Variants in MYO1E observed in about 807,000 individuals in gnomAD.
MYO1E encodes the protein myosin IE.
In MYO1E, 68 loss-of-function variants were observed where a neutral mutation model predicts 151.1. That is an observed-to-expected ratio of 0.45 (90% CI 0.37 to 0.55). The LOEUF is 0.55. MYO1E is among the 20% of genes least tolerant of loss of function. The pLI is 0.00. For synonymous variants in MYO1E, 601 were observed against 501.7 expected, an observed-to-expected ratio of 1.20 and a Z score of -2.64; for missense variants, 1,363 against 1,389.3, an observed-to-expected ratio of 0.98 and a Z score of 0.30.
chr15:59,152,541 G>A (rs966731682), intron 26 of MYO1E, among the ~76,000 whole-genome samples: 2 of 152,166 alleles, frequency 1.3e-5, no homozygotes, highest in Non-Finnish European at 2.9e-5. Context: ...ATGAAGTGAC[G>A]GGGGTCCTTA....
chr15:59,157,746 T>C (rs1279458597), intron 25 of MYO1E, among the ~76,000 whole-genome samples: 1 of 152,256 alleles, frequency 6.6e-6, no homozygotes, highest in Non-Finnish European at 1.5e-5. Flanking sequence ...TCTGTAACAC[T>C]GTGAAGACAG....
intron 4 of MYO1E, among the ~76,000 whole-genome samples, chr15:59,239,430 AAG>A (rs1212795220): frequency 6.6e-6 from 1 of 151,112 alleles, no homozygotes; most frequent in Admixed American, 6.6e-5. Context: ...CAAGCTGGGA[AAG>A]AGAGAGAGAG....
intron 26 of MYO1E, among the ~76,000 whole-genome samples, chr15:59,141,862 C>G (rs1192855617): frequency 7.4e-5 from 11 of 149,338 alleles, no homozygotes; most frequent in Admixed American, 7.4e-4. Context: ...AATCCCAGCA[C>G]TTGGGGAGGC....
chr15:59,345,967 A>G (rs2080791856), intron 1 of MYO1E, among the ~76,000 whole-genome samples: 1 of 152,240 alleles, frequency 6.6e-6, no homozygotes, highest in Non-Finnish European at 1.5e-5. Context: ...TGCAGCTAAA[A>G]CACGTGGAGG....
At chr15:59,156,175 T>A (rs1042975339) in intron 25 of MYO1E, among the ~76,000 whole-genome samples, 7 of 152,300 alleles carry the variant, frequency 4.6e-5, no homozygotes, top group East Asian at 1.9e-4. Flanking sequence ...TTTTATTTTT[T>A]AATTTATTTT....
chr15:59,185,452 G>A (rs2079690080), intron 18 of MYO1E, among the ~76,000 whole-genome samples: 1 of 152,184 alleles, frequency 6.6e-6, no homozygotes, highest in African/African-American at 2.4e-5. Flanking sequence ...ATTTTTAGTA[G>A]AGACAGGTTT....
chr15:59,327,061 C>T (rs12902525), intron 1 of MYO1E, among the ~76,000 whole-genome samples: 109,560 of 152,066 alleles, frequency 0.72, 43,329 homozygotes, highest in Non-Finnish European at 0.88. Context: ...CGGGTGGGGT[C>T]GCAGTAGGGA....
At position 59,319,550 on chromosome 15, in the gene MYO1E, CTTTTTTTTTTTTTTT is replaced by C. The variant is rs59491381; in HGVS notation, c.4-47116_4-47102del. Among the ~76,000 whole-genome samples, 46 of 63,734 alleles carry C rather than the reference CTTTTTTTTTTTTTTT, an allele frequency of 7.2e-4. 1 individual carries two copies. Among genetic ancestry groups the C allele is most frequent in the South Asian group, 2.4e-3 (4 of 1,696 alleles). The allele number at this position is 63,734 out of a possible 152,430, so 41.8% of individuals were successfully genotyped here. A position where few individuals can be genotyped will look rare whatever the true frequency, so the allele number is the denominator to read the frequency against. On this transcript the variant is annotated intron_variant, in intron 1 of 27. Coordinates refer to ENST00000288235, the MANE Select transcript of MYO1E (RefSeq NM_004998.4). ...AAGATAGGAAAAGAAGTCAAACTAC[CTTTTTTTTTTTTTTT>C]TTTTTTTTTTTTTTTTGGCTGATGT...
At chr15:59,216,666 G>GTATA (rs368761394) in intron 10 of MYO1E, among the ~76,000 whole-genome samples, 1,812 of 30,450 alleles carry the variant, frequency 0.06, 107 homozygotes, top group Middle Eastern at 0.1. Context: ...GTGTGTATGT[G>GTATA]TATATATATA....
chr15:59,277,563 A>AAC (rs1567000047), intron 1 of MYO1E, among the ~76,000 whole-genome samples: 1 of 130,116 alleles, frequency 7.7e-6, no homozygotes, highest in South Asian at 2.4e-4. Context: ...AAAAAAAAAA[A>AAC]AAAAAAAAAA....
At chr15:59,175,339 AAC>A (rs2140318081) in intron 19 of MYO1E, among the ~76,000 whole-genome samples, 1 of 152,332 alleles carries the variant, frequency 6.6e-6, no homozygotes, top group African/African-American at 2.4e-5. Context: ...AAAGATGATG[AAC>A]AGTCATTGCA....
chr15:59,252,219 G>T (rs548201579), intron 4 of MYO1E, among the ~76,000 whole-genome samples: 2 of 152,238 alleles, frequency 1.3e-5, no homozygotes, highest in African/African-American at 4.8e-5. Context: ...TATAGGCACT[G>T]AAAACACAGG....
intron 1 of MYO1E, among the ~76,000 whole-genome samples, chr15:59,328,860 G>T (rs1414435694): frequency 6.6e-6 from 1 of 152,290 alleles, no homozygotes; most frequent in Non-Finnish European, 1.5e-5. Flanking sequence ...TAAGGCAGGG[G>T]TGTGTTACCC....
intron 9 of MYO1E, among the ~76,000 whole-genome samples, chr15:59,220,357 G>A (rs2079946678): frequency 6.6e-6 from 1 of 152,230 alleles, no homozygotes; most frequent in Non-Finnish European, 1.5e-5. Context: ...GCTGAGACAG[G>A]AGAACTGCTT....
At chr15:59,353,493 A>G (rs1400692224) in intron 1 of MYO1E, among the ~76,000 whole-genome samples, 1 of 152,004 alleles carries the variant, frequency 6.6e-6, no homozygotes, top group East Asian at 1.9e-4. Context: ...GCGGTGGCTC[A>G]CACCTGTAAT....
At chr15:59,357,748 C>T (rs2080863214) in intron 1 of MYO1E, among the ~76,000 whole-genome samples, 1 of 152,018 alleles carries the variant, frequency 6.6e-6, no homozygotes, top group African/African-American at 2.4e-5. Flanking sequence ...CCATACCTTG[C>T]CAAGGAGGTA....
intron 26 of MYO1E, among the ~76,000 whole-genome samples, chr15:59,153,174 T>A (rs933023629): frequency 6.6e-6 from 1 of 152,186 alleles, no homozygotes; most frequent in South Asian, 2.1e-4. Context: ...TCAACAAATA[T>A]CATATAGAAT....
In MYO1E at chr15:59,138,390, G is replaced by A. The variant is rs760838714; in HGVS notation, c.3081-23C>T. On this transcript the variant is annotated intron_variant, in intron 26 of 27. Transcript: ENST00000288235. ...ACCCTGTGGAGAGAGTGGAGCAGAT[G>A]AGACTGGGCCCCAACAGGGGGCAGC... is the stretch of plus-strand genomic sequence containing the variant. The A allele has an allele frequency of 6.8e-6, 11 of 1,613,340 alleles. No homozygotes were observed. The South Asian group carries it at 8.8e-5, about 13-fold the overall frequency.
intron 1 of MYO1E, among the ~76,000 whole-genome samples, chr15:59,298,253 T>C (rs1469974151): frequency 2.6e-5 from 4 of 152,168 alleles, no homozygotes; most frequent in African/African-American, 9.7e-5. Context: ...CCTGGGGGAA[T>C]GTATTAAACT....
Sources: gnomAD v4.1 joint callset for allele counts (sites outside exome capture counted in the v4.1 genomes callset) on GRCh38, gnomAD v4.1.1 for gene constraint, MANE v1.5 for transcripts, NCBI Gene and HGNC (gene_info 2026-07-23, HGNC 2026-07-21) for gene names.